MPDZ: variants seen among roughly 807,000 people sequenced by gnomAD.
MPDZ encodes the protein multiple PDZ domain protein.
Under a neutral mutation model 239.1 loss-of-function variants are expected in MPDZ, and 234 were observed. The ratio of observed to expected loss-of-function variants is 0.98; its 90% CI spans 0.88 to 1.09. MPDZ has a LOEUF of 1.09. MPDZ is among the 50% of genes least tolerant of loss of function. The pLI, the probability that MPDZ is intolerant of heterozygous loss-of-function variation, is 0.00. For synonymous variants in MPDZ, 1,048 were observed against 881.3 expected (o/e 1.19, Z -3.35); for missense variants, 3,175 against 2,510.0 (o/e 1.26, Z -5.66).
intron 45 of MPDZ, among the ~76,000 whole-genome samples, chr9:13,109,459 C>T (rs1440925585): frequency 6.6e-6 from 1 of 152,130 alleles, no homozygotes; most frequent in East Asian, 1.9e-4. Context: ...CAATTATAAG[C>T]AATGGAAAAG....
intron 21 of MPDZ, among the ~76,000 whole-genome samples, chr9:13,174,735 G>A (rs535629656): frequency 6.6e-6 from 1 of 152,134 alleles, no homozygotes; most frequent in Non-Finnish European, 1.5e-5. Flanking sequence ...GCAAAGTTCT[G>A]CAGTTCAAGC....
intron 32 of MPDZ, among the ~76,000 whole-genome samples, chr9:13,128,266 C>T (rs981815127): frequency 6.6e-5 from 10 of 152,202 alleles, no homozygotes; most frequent in Admixed American, 2.0e-4. Context: ...TGTATAATTT[C>T]ACAGCTAGGT....
intron 21 of MPDZ, among the ~76,000 whole-genome samples, chr9:13,170,750 T>A (rs1951684831): frequency 6.6e-6 from 1 of 152,310 alleles, no homozygotes; most frequent in African/African-American, 2.4e-5. Context: ...TCACTTTTAA[T>A]AGCATATTTA....
chr9:13,228,643 C>T (rs1961404363), intron 3 of MPDZ, among the ~76,000 whole-genome samples: 1 of 152,096 alleles, frequency 6.6e-6, no homozygotes, highest in Admixed American at 6.6e-5. Flanking sequence ...ATACCATAGC[C>T]ATTAGCCATT....
At chr9:13,123,952 T>C (rs1944747610) in intron 35 of MPDZ, among the ~76,000 whole-genome samples, 1 of 152,214 alleles carries the variant, frequency 6.6e-6, no homozygotes, top group Non-Finnish European at 1.5e-5. Context: ...AATGAATAGA[T>C]AAGAATAGAT....
At chr9:13,130,507 T>A (rs1945822605) in intron 32 of MPDZ, among the ~76,000 whole-genome samples, 1 of 152,182 alleles carries the variant, frequency 6.6e-6, no homozygotes, top group Non-Finnish European at 1.5e-5. Flanking sequence ...AAAGTGAGAA[T>A]TTCTTCTCTC....
In MPDZ at chr9:13,192,132, T is replaced by C; in HGVS notation, c.1967A>G (p.Lys656Arg). 1.9e-6 allele frequency: 3 copies of C among 1,592,178 alleles called. No individual in the cohort carries two copies. The highest frequency in any genetic ancestry group is 2.6e-6 in the Non-Finnish European group (3 of 1,168,112). ...LDLCDIELTE[K>R]PHVDLGEFIG... ...GCCTCATGTATGCAAATCTGATACCTTTTCTGTTAGCTCAATATCACATAA... is the reference window on the plus strand; with the variant it reads ...GCCTCATGTATGCAAATCTGATACCCTTTCTGTTAGCTCAATATCACATAA... The change falls in exon 15 of 47, where the codon AAG (lysine) becomes AGG (arginine). Residue 656 changes from lysine to arginine, a missense_variant and splice_region_variant. Transcript: ENST00000319217.
chr9:13,193,113 G>C, intron 14 of MPDZ, 54 bp downstream of exon 14: 1 of 1,400,506 alleles, frequency 7.1e-7, no homozygotes, highest in Non-Finnish European at 9.4e-7. Context: ...TAAGCCTCCT[G>C]CAAGCTTTTC....
At chr9:13,140,410 G>A (rs568820815) in intron 27 of MPDZ, among the ~76,000 whole-genome samples, 1,998 of 129,740 alleles carry the variant, frequency 0.015, 59 homozygotes, top group African/African-American at 0.066. Context: ...ATATATATAT[G>A]TATATATATG....
chr9:13,205,160 G>C (rs1956851004), intron 11 of MPDZ, 53 bp from the exon 12 acceptor site: 3 of 974,068 alleles, frequency 3.1e-6, no homozygotes, highest in African/African-American at 1.7e-5. Flanking sequence ...TCAAGTACTT[G>C]AATTTTTCTA....
chr9:13,122,248 T>C, intron 36 of MPDZ, 78 bp from the exon 37 acceptor site: 2 of 1,276,258 alleles, frequency 1.6e-6, no homozygotes, highest in Non-Finnish European at 2.3e-6. Context: ...TCCAAACACA[T>C]TATACTTTGA....
chr9:13,140,038 T>C lies in MPDZ; in HGVS notation c.3952A>G (p.Ser1318Gly), dbSNP rs745995386. 96 of 1,613,428 alleles carry C rather than the reference T, an allele frequency of 6.0e-5. No individual in the cohort carries two copies. The highest frequency in any genetic ancestry group is 7.8e-5 in the Non-Finnish European group (92 of 1,179,740). ...TTGTCCACATCTTGTGAGATTTTGC[T>C]TGCAGATGACTGTGTGTGATCACTA... ...MGSDHTQSSA[S>G]KISQDVDKED... Residue 1318 changes from serine (S) to glycine (G), a missense_variant, in exon 28 of 47, where the codon AGC (serine) becomes GGC (glycine). Physicochemically the swap from Ser to Gly is moderately conservative, Grantham distance 56. Coordinates refer to ENST00000319217, the MANE Select transcript of MPDZ (RefSeq NM_001378778.1).
rs529118223 is a variant in MPDZ at position 13,233,567 on chromosome 9, C to T, written c.184-8984G>A. Among the ~76,000 whole-genome samples, 17 of 152,100 alleles carry T rather than the reference C, an allele frequency of 1.1e-4. No homozygotes were observed. In the South Asian group the frequency reaches 3.1e-3, roughly 28 times the overall value. On this transcript the variant is annotated intron_variant, in intron 3 of 46. Coordinates refer to ENST00000319217, the MANE Select transcript of MPDZ (RefSeq NM_001378778.1). The stretch of plus-strand genomic sequence containing the variant: ...CTGATCATTTTCCATATCTTGATTT[C>T]GGTGAGGGTTACATGTATATTTAAT...
intron 22 of MPDZ, chr9:13,165,263 T>A: frequency 9.0e-7 from 1 of 1,113,562 alleles, no homozygotes; most frequent in South Asian, 1.6e-5. Flanking sequence ...AAAATCTATA[T>A]CTGGATCTAT....
At chr9:13,199,683 A>G (rs1358659213) in intron 12 of MPDZ, among the ~76,000 whole-genome samples, 1 of 152,010 alleles carries the variant, frequency 6.6e-6, no homozygotes, top group African/African-American at 2.4e-5. Flanking sequence ...TTCTATTGCT[A>G]GCTTGTTGAA....
intron 28 of MPDZ, among the ~76,000 whole-genome samples, chr9:13,139,742 T>G (rs1182149981): frequency 6.6e-6 from 1 of 152,252 alleles, no homozygotes; most frequent in South Asian, 2.1e-4. Flanking sequence ...CCTGTCCTTA[T>G]TAATTCTCAT....
In MPDZ at chr9:13,105,947, A is replaced by G. The variant is rs1941408049; in HGVS notation, c.*1018T>C. The G allele has an allele frequency of 6.6e-6, 1 of 152,198 alleles. No individual in the cohort carries two copies. The highest frequency in any genetic ancestry group is 2.1e-4 in the South Asian group (1 of 4,826). 9.4% of individuals were successfully genotyped at this position (152,198 alleles called of 1,614,324 possible). ...TAGTCTTAAACTATTGTATTATAAG[A>G]TGTTAATATAAGTCAATGAAATGAA... On this transcript the variant is annotated 3_prime_UTR_variant, in exon 47 of 47. Coordinates refer to ENST00000319217, the MANE Select transcript of MPDZ (RefSeq NM_001378778.1).
chr9:13,147,571 G>C lies in MPDZ; in HGVS notation c.3718C>G (p.Gln1240Glu). 1.2e-6 allele frequency: 2 copies of C among 1,612,052 alleles called. No homozygotes were observed. The highest frequency in any genetic ancestry group is 1.7e-6 in the Non-Finnish European group (2 of 1,178,576). Residue 1240 changes from glutamine (Q) to glutamate (E), a missense_variant, in exon 26 of 47, where the codon CAG becomes GAG. By Grantham distance (29) the Gln-to-Glu change is conservative (BLOSUM62 2). Transcript: ENST00000319217. ...KAGNPVVFMVQSIINRPRKSP... is the reference protein window; with the variant it reads ...KAGNPVVFMVESIINRPRKSP... Reference sequence around the variant, plus strand: ...ACCCTTGGTCTGTTTATAATGCTCTGTACCATAAAGACTACAGGGTTGCCT... The same window carrying C: ...ACCCTTGGTCTGTTTATAATGCTCTCTACCATAAAGACTACAGGGTTGCCT...
intron 40 of MPDZ, among the ~76,000 whole-genome samples, chr9:13,114,778 T>C (rs1277262509): frequency 6.6e-6 from 1 of 151,952 alleles, no homozygotes; most frequent in Non-Finnish European, 1.5e-5. Flanking sequence ...TGCACGCCTG[T>C]AGTCCCAGCT....
Sources: allele counts gnomAD v4.1 joint callset (sites outside exome capture counted in the v4.1 genomes callset), GRCh38; gene constraint gnomAD v4.1.1; transcripts MANE v1.5; gene names NCBI Gene and HGNC (gene_info 2026-07-23, HGNC 2026-07-21).